ZNF624: variants seen among roughly 807,000 people sequenced by gnomAD.
ZNF624 encodes zinc finger protein 624.
Under a neutral mutation model 74.7 loss-of-function variants are expected in ZNF624, and 43 were observed. That is an observed-to-expected ratio of 0.58 (90% CI 0.45 to 0.74). The LOEUF (loss-of-function observed/expected upper bound fraction) is 0.74. ZNF624 is among the 30% of genes least tolerant of loss of function. The probability of loss-of-function intolerance (pLI) is 0.00; values close to 1 mark genes in which losing one functional copy is unlikely to be tolerated. For missense variants in ZNF624, 820 were observed against 1,030.0 expected (o/e 0.80, Z 2.79); for synonymous variants, 331 against 341.3 (o/e 0.97, Z 0.33).
At chr17:16,618,294 A>T (rs1399642000), downstream of ZNF624, among the ~76,000 whole-genome samples, 1 of 152,204 alleles carries the variant, frequency 6.6e-6, no homozygotes, top group Non-Finnish European at 1.5e-5. Flanking sequence ...AACCTGGGTG[A>T]CAAAGCAAGG....
downstream of ZNF624, chr17:16,616,828 G>A: frequency 9.4e-7 from 1 of 1,063,836 alleles, no homozygotes; most frequent in South Asian, 1.6e-5. Flanking sequence ...ATAGTGTGCA[G>A]ACAACAAGAG....
At chr17:16,633,375 C>G (rs1168926367) in intron 5 of ZNF624, among the ~76,000 whole-genome samples, 1 of 152,108 alleles carries the variant, frequency 6.6e-6, no homozygotes, top group Non-Finnish European at 1.5e-5. Flanking sequence ...TAGTTAAAAA[C>G]CTGGAGGAGA....
chr17:16,626,578 C>G, intron 5 of ZNF624, among the ~76,000 whole-genome samples: 1 of 151,836 alleles, frequency 6.6e-6, no homozygotes, highest in East Asian at 1.9e-4. Context: ...CACAGTGAGA[C>G]CCCATCTCTA....
intron 3 of ZNF624, among the ~76,000 whole-genome samples, chr17:16,639,625 C>G (rs762913798): frequency 6.6e-6 from 1 of 152,040 alleles, no homozygotes; most frequent in Non-Finnish European, 1.5e-5. Context: ...ATACAAAGGC[C>G]CCTTTGGCAG....
intron 3 of ZNF624, among the ~76,000 whole-genome samples, chr17:16,646,120 A>G (rs1310531652): frequency 1.3e-5 from 2 of 152,138 alleles, no homozygotes; most frequent in Non-Finnish European, 2.9e-5. Flanking sequence ...AAGGATGCAG[A>G]ATTTAGGGAA....
At chr17:16,630,279 G>A (rs1027960561) in intron 5 of ZNF624, among the ~76,000 whole-genome samples, 1 of 152,070 alleles carries the variant, frequency 6.6e-6, no homozygotes, top group African/African-American at 2.4e-5. Context: ...AGAAGAGGCT[G>A]TGCGTGGTGG....
At chr17:16,617,850 T>C, downstream of ZNF624, 4 of 1,610,742 alleles carry the variant, frequency 2.5e-6, no homozygotes, top group Non-Finnish European at 3.4e-6. Flanking sequence ...CTGGACGTTG[T>C]AGCTTAGGCG....
chr17:16,647,307 T>C, intron 3 of ZNF624, 22 bp downstream of exon 3: 3 of 1,593,706 alleles, frequency 1.9e-6, no homozygotes, highest in Middle Eastern at 3.3e-4. Flanking sequence ...GTATTCATTA[T>C]ATGTACAACA....
chr17:16,618,692 C>A (rs1385335487), downstream of ZNF624, among the ~76,000 whole-genome samples: 1 of 152,194 alleles, frequency 6.6e-6, no homozygotes, highest in African/African-American at 2.4e-5. Flanking sequence ...TCGTCTTCCA[C>A]CTTAGCCTGC....
At chr17:16,626,482 G>T (rs1909075588) in intron 5 of ZNF624, among the ~76,000 whole-genome samples, 1 of 152,148 alleles carries the variant, frequency 6.6e-6, no homozygotes, top group South Asian at 2.1e-4. Context: ...GCTGGGTGTG[G>T]TGGCTCATGC....
In ZNF624 at chr17:16,622,367, TCATTA is replaced by T; in HGVS notation, c.2514_2518del (p.Cys838Ter). On this transcript the variant is annotated stop_gained and frameshift_variant, in exon 6 of 6. Transcript: ENST00000311331. LOFTEE classifies it high-confidence loss of function. ...ACTACTCCTGAAGGCTTTTCCACAT[TCATTA>T]CATTTATAGGGTTTTTCTCCAGTAT... The T allele has an allele frequency of 1.2e-6, 2 of 1,613,436 alleles. No homozygotes were observed. The highest frequency in any genetic ancestry group is 8.5e-7 in the Non-Finnish European group (1 of 1,179,740).
At chr17:16,627,422 A>G (rs1909099417) in intron 5 of ZNF624, among the ~76,000 whole-genome samples, 1 of 152,232 alleles carries the variant, frequency 6.6e-6, no homozygotes, top group South Asian at 2.1e-4. Context: ...AGTCATTTGG[A>G]CCAACTTTAT....
intron 3 of ZNF624, among the ~76,000 whole-genome samples, chr17:16,641,925 C>G (rs1003207159): frequency 1.3e-5 from 2 of 152,096 alleles, no homozygotes; most frequent in Admixed American, 1.3e-4. Flanking sequence ...TAAGAAAACA[C>G]AGGAATGAAG....
chr17:16,624,172 A>C lies in ZNF624; in HGVS notation c.714T>G (p.Ile238Met). ...EENFTENLNLITDTHLGKIIC... is the reference protein window; with the variant it reads ...EENFTENLNLMTDTHLGKIIC... ...TTATCTTCCCCAAATGGGTATCTGT[A>C]ATCAAATTTAAATTCTCTGTGAAAT... The change falls in exon 6 of 6, where the codon ATT becomes ATG. Residue 238 changes from isoleucine to methionine, a missense_variant. By Grantham distance (10) the Ile-to-Met change is conservative. Coordinates refer to ENST00000311331, the MANE Select transcript of ZNF624 (RefSeq NM_020787.4). 1.2e-6 allele frequency: 2 copies of C among 1,614,060 alleles called. No homozygotes were observed. Among genetic ancestry groups the C allele is most frequent in the Non-Finnish European group, 1.7e-6 (2 of 1,180,006 alleles).
intron 3 of ZNF624, among the ~76,000 whole-genome samples, chr17:16,643,423 C>T (rs148407251): frequency 0.017 from 2,573 of 152,180 alleles, 37 homozygotes; most frequent in Non-Finnish European, 0.022. Context: ...AAAGCAGTCA[C>T]CAAGGACAAC....
chr17:16,624,066 T>C lies in ZNF624; in HGVS notation c.820A>G (p.Lys274Glu), dbSNP rs747712979. The change falls in exon 6 of 6, where the codon AAA becomes GAA. Residue 274 changes from lysine to glutamate, a missense_variant. Coordinates refer to ENST00000311331, the MANE Select transcript of ZNF624 (RefSeq NM_020787.4). ...TLGKKSNNKE[K>E]PYKCSTCEKA... ...TCGCATGTACTACATTTGTAGGGTTTTTCCTTATTATTGGATTTTTTCCCC... is the reference window on the plus strand; with the variant it reads ...TCGCATGTACTACATTTGTAGGGTTCTTCCTTATTATTGGATTTTTTCCCC... 2 of 1,614,154 alleles carry C rather than the reference T, an allele frequency of 1.2e-6. No homozygotes were observed. The highest frequency in any genetic ancestry group is 1.7e-6 in the Non-Finnish European group (2 of 1,180,018).
Position 16,622,957 on chromosome 17 carries a change from A to AT in ZNF624, c.1928dup (p.Tyr643Ter). 6.2e-7 allele frequency: 1 copy of AT among 1,614,056 alleles called. No homozygotes were observed. The highest frequency in any genetic ancestry group is 8.5e-7 in the Non-Finnish European group (1 of 1,179,954). Residue 643 changes from tyrosine to a stop codon, truncating the protein, a stop_gained and frameshift_variant, in exon 6 of 6, where the codon TAT becomes TAAT. Transcript: ENST00000311331. LOFTEE classifies it high-confidence loss of function. The stretch of plus-strand genomic sequence containing the variant: ...TAGTCCTAAAGGACTTTCCACAGTC[A>AT]TAACATTTATAGGGTTTCACTCCAG... ...IHTGVKPYKCYDCGKSFRTKS... is the reference protein window; with the variant it reads ...IHTGVKPYKC
downstream of ZNF624, among the ~76,000 whole-genome samples, chr17:16,616,617 A>T (rs1360146076): frequency 6.6e-6 from 1 of 152,270 alleles, no homozygotes; most frequent in African/African-American, 2.4e-5. Flanking sequence ...TTAGCTCAAA[A>T]GCTATAAAAT....
intron 5 of ZNF624, among the ~76,000 whole-genome samples, chr17:16,629,059 G>C (rs1319302564): frequency 6.6e-6 from 1 of 151,710 alleles, no homozygotes; most frequent in African/African-American, 2.4e-5. Flanking sequence ...TTAGCTGAGC[G>C]TGGTGGCAGG....
Sources: allele counts gnomAD v4.1 joint callset (sites outside exome capture counted in the v4.1 genomes callset), GRCh38; gene constraint gnomAD v4.1.1; transcripts MANE v1.5; gene names NCBI Gene and HGNC (gene_info 2026-07-23, HGNC 2026-07-21).